SLIT1: variants seen among roughly 807,000 people sequenced by gnomAD.
SLIT1 encodes slit guidance ligand 1.
In SLIT1, 66 loss-of-function variants were observed where a neutral mutation model predicts 186.1. The ratio of observed to expected loss-of-function variants is 0.35; its 90% confidence interval spans 0.29 to 0.44. SLIT1 has a LOEUF of 0.44. Among genes scored for constraint, SLIT1 ranks in the 20% least tolerant of loss-of-function variants. SLIT1 has a pLI of 1.00. For synonymous variants in SLIT1, 761 were observed against 833.8 expected, an observed-to-expected ratio of 0.91 and a Z score of 1.50; for missense variants, 1,638 against 2,037.4, an observed-to-expected ratio of 0.80 and a Z score of 3.77.
intron 12 of SLIT1, among the ~76,000 whole-genome samples, 177 bp from the exon 13 acceptor site, chr10:97,056,641 G>A (rs1311551895): frequency 6.6e-6 from 1 of 152,192 alleles, no homozygotes; most frequent in Non-Finnish European, 1.5e-5. Flanking sequence ...CCGGAACTCC[G>A]ACTGCCTCCT....
intron 4 of SLIT1, among the ~76,000 whole-genome samples, chr10:97,117,619 G>A (rs1849521047): frequency 6.6e-6 from 1 of 152,224 alleles, no homozygotes; most frequent in South Asian, 2.1e-4. Flanking sequence ...GAATTTGAGA[G>A]TATATAAATA....
chr10:97,032,792 A>C (rs1284277815), intron 23 of SLIT1, among the ~76,000 whole-genome samples: 1 of 152,134 alleles, frequency 6.6e-6, no homozygotes, highest in Non-Finnish European at 1.5e-5. Flanking sequence ...TGGCACATCC[A>C]TGCCTGTACA....
At chr10:97,097,403 A>G (rs1013679594) in intron 4 of SLIT1, among the ~76,000 whole-genome samples, 1 of 152,234 alleles carries the variant, frequency 6.6e-6, no homozygotes, top group African/African-American at 2.4e-5. Flanking sequence ...CATGGAGGAA[A>G]TAATTTTTAC....
intron 25 of SLIT1, among the ~76,000 whole-genome samples, chr10:97,025,089 G>T (rs2134604188): frequency 6.6e-6 from 1 of 152,334 alleles, no homozygotes; most frequent in East Asian, 1.9e-4. Flanking sequence ...GGCCAACATG[G>T]TGAAACCTTG....
In SLIT1 at chr10:97,013,759, C is replaced by A; in HGVS notation, c.3185G>T (p.Gly1062Val). The A allele has an allele frequency of 6.4e-7, 1 of 1,551,466 alleles. No individual in the cohort carries two copies. The highest frequency in any genetic ancestry group is 8.7e-7 in the Non-Finnish European group (1 of 1,146,848). Residue 1062 changes from glycine to valine, a missense_variant, in exon 30 of 37, where the codon GGC becomes GTC. This residue lies in a region of SLIT1 where 1,245 missense variants were observed against 1,535.3 expected (regional missense o/e 0.81). Transcript: ENST00000266058. ...NPCQHEAQCVGTPDGPRCECM... is the reference protein window; with the variant it reads ...NPCQHEAQCVVTPDGPRCECM... ...CACTCACCTGGGCCCATCCGGGGTG[C>A]CCACACACTGGGCCTCGTGTTGACA...
chr10:97,080,558 C>T (rs1849093516), intron 4 of SLIT1, among the ~76,000 whole-genome samples: 1 of 152,194 alleles, frequency 6.6e-6, no homozygotes, highest in African/African-American at 2.4e-5. Context: ...AGTCAGATTG[C>T]CCCACCCCAG....
intron 4 of SLIT1, among the ~76,000 whole-genome samples, chr10:97,113,243 T>G (rs563312189): frequency 1.3e-3 from 192 of 152,302 alleles, no homozygotes; most frequent in African/African-American, 4.5e-3. Flanking sequence ...TTTCTTTTTT[T>G]GGGTTTTGTT....
chr10:97,108,320 G>A (rs1849433324), intron 4 of SLIT1, among the ~76,000 whole-genome samples: 1 of 152,230 alleles, frequency 6.6e-6, no homozygotes, highest in African/African-American at 2.4e-5. Context: ...ACCTCTCCGT[G>A]CCTCAGTTTC....
chr10:97,073,487 G>A (rs951819910), intron 4 of SLIT1, among the ~76,000 whole-genome samples: 1 of 152,208 alleles, frequency 6.6e-6, no homozygotes, highest in Non-Finnish European at 1.5e-5. Context: ...CGGGGAAGCG[G>A]AGCCAGACAG....
At chr10:97,014,392 G>C (rs1848436964) in intron 28 of SLIT1, among the ~76,000 whole-genome samples, 2 of 152,178 alleles carry the variant, frequency 1.3e-5, no homozygotes, top group African/African-American at 2.4e-5. Context: ...GAGGTAGTGA[G>C]GACCAGGATG....
At chr10:97,002,463 G>T in intron 35 of SLIT1, 94 bp from the exon 36 acceptor site, 1 of 687,390 alleles carries the variant, frequency 1.5e-6, no homozygotes, top group Non-Finnish European at 2.2e-6. Context: ...ACCCCACCCA[G>T]CCCTGACTTC....
chr10:97,178,407 T>C (rs1251531576), intron 1 of SLIT1, among the ~76,000 whole-genome samples: 1 of 152,190 alleles, frequency 6.6e-6, no homozygotes, highest in Non-Finnish European at 1.5e-5. Flanking sequence ...AGGAGCGTTC[T>C]GCAAAATAAC....
At chr10:97,113,049 T>A (rs765400879) in intron 4 of SLIT1, among the ~76,000 whole-genome samples, 6 of 152,134 alleles carry the variant, frequency 3.9e-5, no homozygotes, top group Non-Finnish European at 8.8e-5. Flanking sequence ...ATCAGAGGAA[T>A]TTAGACCTGA....
chr10:97,040,233 T>C lies in SLIT1; in HGVS notation c.2165-113A>G, dbSNP rs983468709. On this transcript the variant is annotated intron_variant, in intron 20 of 36. Transcript: ENST00000266058. ...TCAGAACAGAAGACCCCTCTGACAGTACCTTGGCCATCAGTAAGTCTGTGC... is the reference window on the plus strand; with the variant it reads ...TCAGAACAGAAGACCCCTCTGACAGCACCTTGGCCATCAGTAAGTCTGTGC... 8.8e-6 allele frequency: 10 copies of C among 1,135,262 alleles called. No homozygotes were observed. The African/African-American group carries it at 1.5e-4, about 17-fold the overall frequency. The allele number at this position is 1,135,262 out of a possible 1,614,324, so 70.3% of individuals were successfully genotyped here. A position where few individuals can be genotyped will look rare whatever the true frequency, so the allele number is the denominator to read the frequency against.
chr10:97,179,795 C>G (rs1850306650), intron 1 of SLIT1, among the ~76,000 whole-genome samples: 1 of 122,642 alleles, frequency 8.2e-6, no homozygotes, highest in Non-Finnish European at 1.9e-5. Flanking sequence ...CAATTCTCCA[C>G]ACCCTCCCCG....
chr10:97,145,543 C>A (rs1002969714), intron 4 of SLIT1, among the ~76,000 whole-genome samples: 3 of 152,288 alleles, frequency 2.0e-5, no homozygotes, highest in Admixed American at 6.5e-5. Flanking sequence ...GGGCTGTAGT[C>A]CACTCTCGTA....
At chr10:97,012,677 C>A (rs988561447) in intron 30 of SLIT1, among the ~76,000 whole-genome samples, 1 of 152,242 alleles carries the variant, frequency 6.6e-6, no homozygotes, top group African/African-American at 2.4e-5. Flanking sequence ...AGGAGTACAG[C>A]GTCCGTCTAC....
intron 4 of SLIT1, among the ~76,000 whole-genome samples, chr10:97,146,559 G>GCCCCCCCCCCCCCCCCCCCCCC (rs61265496): frequency 1.3e-5 from 2 of 149,082 alleles, no homozygotes; most frequent in Non-Finnish European, 1.5e-5. Context: ...AGGTACCCCA[G>GCCCCCCCCCCCCCCCCCCCCCC]CCCCCCCCAC....
intron 23 of SLIT1, 138 bp downstream of exon 23, chr10:97,034,333 T>C (rs1848618873): frequency 5.6e-6 from 4 of 710,568 alleles, no homozygotes; most frequent in Non-Finnish European, 1.0e-5. Context: ...TCTTTTAGGC[T>C]CTCAGGCCCG....
Sources: gnomAD v4.1 joint callset for allele counts (sites outside exome capture counted in the v4.1 genomes callset) on GRCh38, gnomAD v4.1.1 for gene constraint, gnomAD v4.1.1 regional missense constraint, MANE v1.5 for transcripts, NCBI Gene and HGNC (gene_info 2026-07-23, HGNC 2026-07-21) for gene names.